Variants in VPS13D observed in about 807,000 individuals in gnomAD.
VPS13D encodes intermembrane lipid transfer protein VPS13D.
In VPS13D, 187 loss-of-function variants were observed where a neutral mutation model predicts 461.9. That is an observed-to-expected ratio of 0.40 (90% CI 0.36 to 0.46). The LOEUF (loss-of-function observed/expected upper bound fraction) is 0.46. VPS13D is among the 20% of genes least tolerant of loss of function. VPS13D has a pLI of 0.60. For synonymous variants in VPS13D, 1,951 were observed against 1,986.3 expected (o/e 0.98, Z 0.47); for missense variants, 4,711 against 5,364.9 (o/e 0.88, Z 3.81).
At chr1:12,410,656 A>T (rs190802961) in intron 63 of VPS13D, among the ~76,000 whole-genome samples, 112 of 152,212 alleles carry the variant, frequency 7.4e-4, no homozygotes, top group East Asian at 3.7e-3. Flanking sequence ...TAATTTTTTT[A>T]AAAAAATTAT....
chr1:12,432,159 T>C (rs1240994452), intron 65 of VPS13D, among the ~76,000 whole-genome samples: 1 of 152,094 alleles, frequency 6.6e-6, no homozygotes, highest in East Asian at 1.9e-4. Flanking sequence ...TTTGGGAGGC[T>C]GAGGCGGGCG....
intron 63 of VPS13D, among the ~76,000 whole-genome samples, chr1:12,405,447 C>G (rs909141539): frequency 6.6e-6 from 1 of 152,114 alleles, no homozygotes; most frequent in African/African-American, 2.4e-5. Flanking sequence ...TGGTCAACAT[C>G]AGATCACATT....
At chr1:12,321,754 T>G in intron 32 of VPS13D, 55 bp from the exon 33 acceptor site, 1 of 1,551,718 alleles carries the variant, frequency 6.4e-7, no homozygotes, top group Middle Eastern at 1.7e-4. Flanking sequence ...TGCTGGTAGT[T>G]GGACCCTTCC....
chr1:12,306,919 G>A (rs1642582549), intron 26 of VPS13D, among the ~76,000 whole-genome samples: 1 of 152,184 alleles, frequency 6.6e-6, no homozygotes, highest in South Asian at 2.1e-4. Flanking sequence ...CTGACAGTAG[G>A]CAGAGCTCAG....
chr1:12,471,552 T>C (rs1401899199), intron 67 of VPS13D, among the ~76,000 whole-genome samples: 1 of 152,252 alleles, frequency 6.6e-6, no homozygotes, highest in Non-Finnish European at 1.5e-5. Flanking sequence ...TATTTACCTT[T>C]ATATTTCATA....
intron 65 of VPS13D, among the ~76,000 whole-genome samples, chr1:12,437,855 A>G (rs968633299): frequency 1.3e-5 from 2 of 152,158 alleles, no homozygotes; most frequent in Non-Finnish European, 2.9e-5. Context: ...CTCAAAAATT[A>G]CAGTGCTGGA....
At chr1:12,333,006 G>T (rs1222863996) in intron 37 of VPS13D, among the ~76,000 whole-genome samples, 1 of 152,134 alleles carries the variant, frequency 6.6e-6, no homozygotes, top group Non-Finnish European at 1.5e-5. Context: ...AGACCATCGT[G>T]GGGGTACATA....
At chr1:12,312,082 A>G (rs912430937) in intron 29 of VPS13D, among the ~76,000 whole-genome samples, 157 bp downstream of exon 29, 2 of 152,180 alleles carry the variant, frequency 1.3e-5, no homozygotes, top group Non-Finnish European at 2.9e-5. Context: ...GCTTTTGAAA[A>G]GTTTAGATTC....
chr1:12,254,540 T>C (rs1040308039), intron 7 of VPS13D, among the ~76,000 whole-genome samples: 2 of 145,122 alleles, frequency 1.4e-5, no homozygotes, highest in Non-Finnish European at 1.5e-5. Flanking sequence ...TTTTTTTTTT[T>C]TGAGATGGAG....
intron 3 of VPS13D, among the ~76,000 whole-genome samples, chr1:12,242,903 T>C (rs1640424850): frequency 6.6e-6 from 1 of 152,218 alleles, no homozygotes; most frequent in Non-Finnish European, 1.5e-5. Flanking sequence ...ACCTCTGTTC[T>C]ACATTCAAGG....
At position 12,314,288 on chromosome 1, in the gene VPS13D, G is replaced by A. The variant is rs373998855; in HGVS notation, c.7109G>A (p.Ser2370Asn). The change falls in exon 30 of 70, where the codon AGC becomes AAC. Residue 2370 changes from serine (S) to asparagine (N), a missense_variant. Physicochemically the swap from Ser to Asn is conservative, Grantham distance 46. Coordinates refer to ENST00000620676, the MANE Select transcript of VPS13D (RefSeq NM_015378.4). ...ATCTTTCAGCCCGCTAAGAACAGCA[G>A]CACCACCCAAGGGTCCATTCAGATT... ...SCIFQPAKNS[S>N]TTQGSIQIEL... 1 of 1,614,184 alleles carries A rather than the reference G, an allele frequency of 6.2e-7. No homozygotes were observed.
At chr1:12,240,706 CATGATTTT>C (rs989967716) in intron 2 of VPS13D, among the ~76,000 whole-genome samples, 2 of 148,470 alleles carry the variant, frequency 1.3e-5, no homozygotes, top group Non-Finnish European at 3.0e-5. Context: ...GAAAATGTTT[CATGATTTT>C]TTTTTCCCCT....
Position 12,507,670 on chromosome 1 carries a change from G to A in VPS13D, c.13035+577G>A, listed in dbSNP as rs986608183. ...ACGTTCCTAGAGGGCTGGCTGTCTT[G>A]TGGGTTGTCTGATCACTGTGTTGCT... On this transcript the variant is annotated intron_variant, in intron 69 of 69. Transcript: ENST00000620676. This position sits in a 1 kb window ranked among gnomAD's most constrained non-coding sequence, Gnocchi z 5.3. Among the ~76,000 whole-genome samples the A allele has an allele frequency of 3.3e-5, 5 of 152,246 alleles. No individual in the cohort carries two copies. Among genetic ancestry groups the A allele is most frequent in the South Asian group, 4.1e-4 (2 of 4,832 alleles).
rs536820630 is a variant in VPS13D, at chr1:12,383,165, T to A, written c.11370+10T>A. The A allele has an allele frequency of 6.2e-7, 1 of 1,607,354 alleles. No homozygotes were observed. The highest frequency in any genetic ancestry group is 1.3e-5 in the African/African-American group (1 of 74,610). ...AACTAGAGCACTCCAGGTGATAATT[T>A]GTCATAAGAGCTGATGTGAAACTCT... is the stretch of plus-strand genomic sequence containing the variant. On this transcript the variant is annotated intron_variant, in intron 58 of 69. Transcript: ENST00000620676.
intron 2 of VPS13D, among the ~76,000 whole-genome samples, chr1:12,239,594 A>G (rs1462703508): frequency 6.6e-6 from 1 of 152,228 alleles, no homozygotes; most frequent in Non-Finnish European, 1.5e-5. Context: ...ATGTCAAGGA[A>G]TCTGAACTTC....
chr1:12,374,254 G>A (rs1318019641), intron 55 of VPS13D, among the ~76,000 whole-genome samples: 1 of 152,138 alleles, frequency 6.6e-6, no homozygotes, highest in African/African-American at 2.4e-5. Flanking sequence ...TAGTAAATAG[G>A]TAATAAAAGA....
At chr1:12,323,673 A>T (rs750907173) in intron 34 of VPS13D, 33 bp from the exon 35 acceptor site, 2 of 1,585,012 alleles carry the variant, frequency 1.3e-6, no homozygotes, top group Admixed American at 3.4e-5. Context: ...ACATAAAATT[A>T]TTTATGAAAA....
chr1:12,451,851 C>T (rs576471566), intron 65 of VPS13D, among the ~76,000 whole-genome samples: 1 of 152,326 alleles, frequency 6.6e-6, no homozygotes, highest in East Asian at 1.9e-4. Flanking sequence ...GTTTAGATAA[C>T]ATAATACTAT....
At chr1:12,288,809 T>G (rs1425370339) in intron 22 of VPS13D, among the ~76,000 whole-genome samples, 1 of 152,058 alleles carries the variant, frequency 6.6e-6, no homozygotes, top group Non-Finnish European at 1.5e-5. Context: ...GGCCATGGTG[T>G]TATGCAGGAG....
Sources: gnomAD v4.1 joint callset for allele counts (sites outside exome capture counted in the v4.1 genomes callset) on GRCh38, gnomAD v4.1.1 for gene constraint, Gnocchi (gnomAD v3.1) non-coding constraint, MANE v1.5 for transcripts, NCBI Gene and HGNC (gene_info 2026-07-23, HGNC 2026-07-21) for gene names.